NLRP4: variants seen among roughly 807,000 people sequenced by gnomAD.
NLRP4 encodes the protein NLR family pyrin domain containing 4.
Under a neutral mutation model 84.7 loss-of-function variants are expected in NLRP4, and 44 were observed. The observed-to-expected ratio is 0.52, with a 90% CI of 0.41 to 0.67. The LOEUF (loss-of-function observed/expected upper bound fraction) is 0.67. NLRP4 is among the 30% of genes least tolerant of loss of function. The pLI, the probability that NLRP4 is intolerant of heterozygous loss-of-function variation, is 0.00. For synonymous variants in NLRP4, 544 were observed against 476.4 expected (o/e 1.14, Z -1.85); for missense variants, 1,260 against 1,219.4 (o/e 1.03, Z -0.50).
intron 8 of NLRP4, among the ~76,000 whole-genome samples, chr19:55,877,729 T>C (rs1262640870): frequency 1.3e-5 from 2 of 152,164 alleles, no homozygotes; most frequent in Non-Finnish European, 2.9e-5. Flanking sequence ...GATAACCATC[T>C]GTCTTCTCCC....
At chr19:55,869,166 G>A (rs950783299) in intron 6 of NLRP4, among the ~76,000 whole-genome samples, 3 of 151,854 alleles carry the variant, frequency 2.0e-5, no homozygotes, top group African/African-American at 7.3e-5. Context: ...TAGACTCTGT[G>A]AGTTGGTGAA....
intron 1 of NLRP4, among the ~76,000 whole-genome samples, chr19:55,846,610 TATC>T (rs1254050313): frequency 6.6e-6 from 1 of 152,196 alleles, no homozygotes; most frequent in Non-Finnish European, 1.5e-5. Context: ...ATATATCTAA[TATC>T]ATCACTAACT....
rs1424162426 is a variant in NLRP4, at chr19:55,881,810, A to G, written c.*223A>G. On this transcript the variant is annotated 3_prime_UTR_variant, in exon 10 of 10. Coordinates refer to ENST00000301295, the MANE Select transcript of NLRP4 (RefSeq NM_134444.5). Reference sequence around the variant, plus strand: ...TTCATGGTCTCTCGGTCTCACAAGGACCTCTTAACCCCTCAATAAAGTGTT... The same window carrying G: ...TTCATGGTCTCTCGGTCTCACAAGGGCCTCTTAACCCCTCAATAAAGTGTT... 3 of 356,732 alleles carry G rather than the reference A, an allele frequency of 8.4e-6. No individual in the cohort carries two copies. Among genetic ancestry groups the G allele is most frequent in the Non-Finnish European group, 1.5e-5 (3 of 199,308 alleles). 22.1% of individuals were successfully genotyped at this position (356,732 alleles called of 1,614,324 possible). A position where few individuals can be genotyped will look rare whatever the true frequency, so the allele number is the denominator to read the frequency against.
At position 55,859,861 on chromosome 19, in the gene NLRP4, AG is replaced by A. The variant is rs537066850; in HGVS notation, c.1856+614del. ...AGAATCACTTGAGCCCGGGAGGCAG[AG>A]GTTGCAGTGAGCTGAGATCGCACCA... is the stretch of plus-strand genomic sequence containing the variant. On this transcript the variant is annotated intron_variant, in intron 3 of 9. Coordinates refer to ENST00000301295, the MANE Select transcript of NLRP4 (RefSeq NM_134444.5). Among the ~76,000 whole-genome samples, 522 of 121,170 alleles carry A rather than the reference AG, an allele frequency of 4.3e-3. 3 individuals are homozygous for A. Among genetic ancestry groups the A allele is most frequent in the African/African-American group, 0.016 (502 of 32,180 alleles). 79.5% of individuals were successfully genotyped at this position (121,170 alleles called of 152,430 possible).
intron 7 of NLRP4, among the ~76,000 whole-genome samples, chr19:55,873,832 C>A (rs1287625431): frequency 6.6e-6 from 1 of 151,932 alleles, no homozygotes; most frequent in Non-Finnish European, 1.5e-5. Flanking sequence ...CATATAGAGT[C>A]CAGGAATCTA....
intron 4 of NLRP4, among the ~76,000 whole-genome samples, chr19:55,861,766 C>G (rs1280179610): frequency 6.6e-6 from 1 of 152,188 alleles, no homozygotes; most frequent in Non-Finnish European, 1.5e-5. Context: ...TCTCTACCCT[C>G]TAGATCCTAA....
At chr19:55,849,862 TAATTTCC>T (rs1568657927) in intron 1 of NLRP4, among the ~76,000 whole-genome samples, 48 of 143,554 alleles carry the variant, frequency 3.3e-4, no homozygotes, top group Non-Finnish European at 2.8e-4. Flanking sequence ...GACTGCGGTG[TAATTTCC>T]GTGGCCGCGG....
chr19:55,871,271 G>C (rs1318155050), intron 7 of NLRP4, among the ~76,000 whole-genome samples: 1 of 152,174 alleles, frequency 6.6e-6, no homozygotes, highest in African/African-American at 2.4e-5. Context: ...GACCTGAGGG[G>C]CAATTTCATG....
At position 55,878,856 on chromosome 19, in the gene NLRP4, G is replaced by GT; in HGVS notation, c.2760dup (p.Lys921Ter). On this transcript the variant is annotated frameshift_variant, in exon 9 of 10. Transcript: ENST00000301295. LOFTEE classifies it high-confidence loss of function. The stretch of plus-strand genomic sequence containing the variant: ...GATCTCGCGTCTGTTCTCACCTGCA[G>GT]TAAGACCCTGCAGCAGCTCAACCTG... The GT allele has an allele frequency of 6.2e-7, 1 of 1,613,994 alleles. No individual in the cohort carries two copies. Among genetic ancestry groups the GT allele is most frequent in the Non-Finnish European group, 8.5e-7 (1 of 1,179,864 alleles).
chr19:55,850,070 C>T (rs1193974811), intron 1 of NLRP4, among the ~76,000 whole-genome samples: 4 of 145,628 alleles, frequency 2.7e-5, no homozygotes, highest in Non-Finnish European at 3.0e-5. Flanking sequence ...GTGGAATTTC[C>T]GAGACTGCGG....
intron 7 of NLRP4, among the ~76,000 whole-genome samples, chr19:55,875,528 A>G (rs1200730493): frequency 1.3e-5 from 2 of 152,216 alleles, no homozygotes; most frequent in African/African-American, 4.8e-5. Context: ...ATATGATCAA[A>G]TTATGGTATA....
rs547981084 is a variant in NLRP4 at position 55,839,524 on chromosome 19, G to C, written c.-66+2590G>C. ...TTCAAAACTTCACACACACAAAATA[G>C]ATGAAAGTTGTCATTTTCTAAGAAT... On this transcript the variant is annotated intron_variant, in intron 1 of 9. Transcript: ENST00000301295. Among the ~76,000 whole-genome samples the C allele has an allele frequency of 3.8e-4, 56 of 147,274 alleles. 1 individual carries two copies. In the South Asian group the frequency reaches 0.012, roughly 32 times the overall value.
At chr19:55,877,432 C>T (rs1486728806) in intron 8 of NLRP4, among the ~76,000 whole-genome samples, 2 of 152,078 alleles carry the variant, frequency 1.3e-5, no homozygotes, top group Non-Finnish European at 2.9e-5. Flanking sequence ...TTGGGTTGAC[C>T]TTGCTATATG....
intron 7 of NLRP4, among the ~76,000 whole-genome samples, chr19:55,874,420 C>T (rs768662971): frequency 1.3e-5 from 2 of 152,112 alleles, no homozygotes; most frequent in African/African-American, 2.4e-5. Context: ...GGCTATCACA[C>T]TGAAGAGTGC....
intron 5 of NLRP4, among the ~76,000 whole-genome samples, chr19:55,865,579 C>G (rs752066261): frequency 2.6e-5 from 4 of 152,182 alleles, no homozygotes; most frequent in Non-Finnish European, 4.4e-5. Context: ...TACATTCCTA[C>G]AAAAATGTGT....
intron 1 of NLRP4, among the ~76,000 whole-genome samples, chr19:55,849,874 C>A (rs1983960412): frequency 8.1e-6 from 1 of 124,006 alleles, no homozygotes; most frequent in African/African-American, 3.2e-5. Context: ...ATTTCCGTGG[C>A]CGCGGTGTAA....
Position 55,857,664 on chromosome 19 carries a change from A to C in NLRP4, c.281-10A>C. On this transcript the variant is annotated splice_polypyrimidine_tract_variant and intron_variant, in intron 2 of 9. Transcript: ENST00000301295. The stretch of plus-strand genomic sequence containing the variant: ...GTGGGTTTTCTCTCCTCTTGCCCTC[A>C]CTGACTCAGGATACACAAAGACCTA... 2 of 1,610,356 alleles carry C rather than the reference A, an allele frequency of 1.2e-6. No homozygotes were observed. The highest frequency in any genetic ancestry group is 2.2e-5 in the East Asian group (1 of 44,874).
chr19:55,871,114 G>T (rs370891355), intron 7 of NLRP4, 117 bp downstream of exon 7: 41 of 845,006 alleles, frequency 4.9e-5, no homozygotes, highest in Non-Finnish European at 7.0e-5. Flanking sequence ...GCATGTGAAG[G>T]TTTAAAAAAT....
At chr19:55,853,871 TTC>T (rs1053674257) in intron 2 of NLRP4, among the ~76,000 whole-genome samples, 4 of 149,636 alleles carry the variant, frequency 2.7e-5, no homozygotes, top group East Asian at 3.9e-4. Flanking sequence ...TCCTCTCTCT[TTC>T]TCTCTTGCTA....
Sources: gnomAD v4.1 joint callset for allele counts (sites outside exome capture counted in the v4.1 genomes callset) on GRCh38, gnomAD v4.1.1 for gene constraint, MANE v1.5 for transcripts, NCBI Gene and HGNC (gene_info 2026-07-23, HGNC 2026-07-21) for gene names.